Variants in LPCAT1 observed in about 807,000 individuals in gnomAD.
The protein encoded by LPCAT1 is 1-acylglycerol-3-phosphate O-acyltransferase.
LPCAT1 carries 23 observed loss-of-function variants against 60.9 expected under a neutral mutation model. That is an observed-to-expected ratio of 0.38 (90% confidence interval 0.27 to 0.53). The LOEUF (loss-of-function observed/expected upper bound fraction) is 0.53, where lower values mean the gene tolerates loss of function less well. LPCAT1 is among the 20% of genes least tolerant of loss of function. The probability of loss-of-function intolerance (pLI) is 0.82; values close to 1 mark genes in which losing one functional copy is unlikely to be tolerated. For synonymous variants in LPCAT1, 340 were observed against 301.1 expected (o/e 1.13, Z -1.34); for missense variants, 622 against 723.6 (o/e 0.86, Z 1.61).
intron 3 of LPCAT1, among the ~76,000 whole-genome samples, chr5:1,493,149 C>T (rs939431596): frequency 1.3e-5 from 2 of 152,270 alleles, no homozygotes; most frequent in Non-Finnish European, 2.9e-5. Flanking sequence ...GTCCAGCCTC[C>T]TCCAGGCTTC....
rs1223757629 is a variant in LPCAT1, at chr5:1,483,337, G to A, written c.726+91C>T. 2 of 1,315,754 alleles carry A rather than the reference G, an allele frequency of 1.5e-6. No homozygotes were observed. Among genetic ancestry groups the A allele is most frequent in the Middle Eastern group, 1.8e-4 (1 of 5,486 alleles). 81.5% of individuals were successfully genotyped at this position (1,315,754 alleles called of 1,614,324 possible). A position where few individuals can be genotyped will look rare whatever the true frequency, so the allele number is the denominator to read the frequency against. On this transcript the variant is annotated intron_variant, in intron 6 of 13. Coordinates refer to ENST00000283415, the MANE Select transcript of LPCAT1 (RefSeq NM_024830.5). This position sits in a 1 kb window ranked among gnomAD's most constrained non-coding sequence, Gnocchi z 9.2. ...CTGTGGCGCAGATAAAGGGTGTGGAGAGACAGAGACACAGGTGCACAGAGG... is the reference window on the plus strand; with the variant it reads ...CTGTGGCGCAGATAAAGGGTGTGGAAAGACAGAGACACAGGTGCACAGAGG...
rs996319563 is a variant in LPCAT1, at chr5:1,521,113, G to A, written c.135+2597C>T. 3.9e-5 allele frequency among the ~76,000 whole-genome samples: 6 copies of A among 152,142 alleles called. No individual in the cohort carries two copies. The highest frequency in any genetic ancestry group is 7.2e-5 in the African/African-American group (3 of 41,406). ...CTACTAAATCTATATCCTTGCTTTA[G>A]CCAGAGGATTAAAACATTGCACGTA... On this transcript the variant is annotated intron_variant, in intron 1 of 13. Transcript: ENST00000283415. The surrounding 1 kb of genome is among the most constrained non-coding windows in gnomAD (Gnocchi z 4.3).
In LPCAT1 at chr5:1,463,956, T is replaced by C; in HGVS notation, c.1421-121A>G. ...TCACGCCCTCCAGGGAGGGTTAGAATCGTCTGTGAAACGGATGCTTTCAGG... is the reference window on the plus strand; with the variant it reads ...TCACGCCCTCCAGGGAGGGTTAGAACCGTCTGTGAAACGGATGCTTTCAGG... On this transcript the variant is annotated intron_variant, in intron 13 of 13. Coordinates refer to ENST00000283415, the MANE Select transcript of LPCAT1 (RefSeq NM_024830.5). 5.0e-6 allele frequency: 5 copies of C among 998,002 alleles called. 1 individual carries two copies. Among genetic ancestry groups the C allele is most frequent in the Non-Finnish European group, 7.5e-6 (5 of 664,486 alleles). 61.8% of individuals were successfully genotyped at this position (998,002 alleles called of 1,614,324 possible).
intron 8 of LPCAT1, among the ~76,000 whole-genome samples, chr5:1,479,084 A>G (rs1735029649): frequency 1.3e-5 from 2 of 152,244 alleles, no homozygotes; most frequent in African/African-American, 4.8e-5. Context: ...TACCCATAAT[A>G]ATGAATGGTA....
At chr5:1,471,514 G>A (rs1276287296) in intron 11 of LPCAT1, among the ~76,000 whole-genome samples, 3 of 152,348 alleles carry the variant, frequency 2.0e-5, no homozygotes, top group South Asian at 2.1e-4. Flanking sequence ...CAGTCTGCAC[G>A]TGGCTGCAGG....
At position 1,476,763 on chromosome 5, in the gene LPCAT1, G is replaced by C. The variant is rs187949756; in HGVS notation, c.899+641C>G. Among the ~76,000 whole-genome samples, 58 of 152,088 alleles carry C rather than the reference G, an allele frequency of 3.8e-4. No homozygotes were observed. The East Asian group carries it at 9.5e-3, about 25-fold the overall frequency. On this transcript the variant is annotated intron_variant, in intron 9 of 13. Transcript: ENST00000283415. The surrounding 1 kb of genome is among the most constrained non-coding windows in gnomAD (Gnocchi z 8.6). ...CCTGGTTGCAAGGACAAGTGTGGGG[G>C]GAATGGGACCTGAGGGATGGAAGGT... is the stretch of plus-strand genomic sequence containing the variant.
chr5:1,494,549 T>C (rs1237964939), intron 3 of LPCAT1, 151 bp downstream of exon 3: 1 of 694,470 alleles, frequency 1.4e-6, no homozygotes, highest in African/African-American at 1.8e-5. Flanking sequence ...GAGTCCCTCA[T>C]TGCCAGCAAC....
chr5:1,489,759 C>T lies in LPCAT1; in HGVS notation c.593G>A (p.Gly198Glu). The T allele has an allele frequency of 6.2e-7, 1 of 1,613,002 alleles. No homozygotes were observed. Among genetic ancestry groups the T allele is most frequent in the East Asian group, 2.2e-5 (1 of 44,886 alleles). ...EEIKRRAQSN[G>E]KWPQIMIFPE... ...TACGTGCATTACCTGTGGCCACTTT[C>T]CGTTGGACTGCGCCCGTCTCTTGAT... The change falls in exon 4 of 14, where the codon GGA becomes GAA. Residue 198 changes from glycine to glutamate, a missense_variant. Physicochemically the swap from Gly to Glu is moderately conservative, Grantham distance 98 (BLOSUM62 -2). Coordinates refer to ENST00000283415, the MANE Select transcript of LPCAT1 (RefSeq NM_024830.5).
intron 1 of LPCAT1, among the ~76,000 whole-genome samples, chr5:1,512,321 C>T (rs1230911185): frequency 6.6e-6 from 1 of 152,216 alleles, no homozygotes; most frequent in African/African-American, 2.4e-5. Context: ...GAGTCACTGT[C>T]AGCTCTGCAT....
At chr5:1,472,174 C>T (rs989877839) in intron 11 of LPCAT1, among the ~76,000 whole-genome samples, 1 of 148,222 alleles carries the variant, frequency 6.7e-6, no homozygotes, top group African/African-American at 2.5e-5. Flanking sequence ...AGAGGGAGAA[C>T]TCTGGTCAGA....
chr5:1,464,051 G>A (rs1734221745), intron 13 of LPCAT1, among the ~76,000 whole-genome samples: 1 of 152,158 alleles, frequency 6.6e-6, no homozygotes, highest in African/African-American at 2.4e-5. Flanking sequence ...GGGCAGGCTG[G>A]GTGTCCTCCT....
At chr5:1,517,869 C>G (rs893953233) in intron 1 of LPCAT1, among the ~76,000 whole-genome samples, 1 of 152,226 alleles carries the variant, frequency 6.6e-6, no homozygotes, top group African/African-American at 2.4e-5. Context: ...AGTGCCTCCC[C>G]ACACGGGGGA....
At chr5:1,512,561 C>T (rs533093967) in intron 1 of LPCAT1, among the ~76,000 whole-genome samples, 16 of 152,364 alleles carry the variant, frequency 1.1e-4, no homozygotes, top group South Asian at 8.3e-4. Context: ...TTGTGTACTA[C>T]AAATGCAGAT....
chr5:1,474,469 G>T, intron 10 of LPCAT1, 91 bp downstream of exon 10: 1 of 1,467,738 alleles, frequency 6.8e-7, no homozygotes, highest in Non-Finnish European at 9.3e-7. Flanking sequence ...TATCTCCTCA[G>T]TTCCCCTCCC....
At chr5:1,512,190 C>T (rs1314507849) in intron 1 of LPCAT1, among the ~76,000 whole-genome samples, 2 of 152,208 alleles carry the variant, frequency 1.3e-5, no homozygotes, top group African/African-American at 4.8e-5. Flanking sequence ...TCCTGTGTGG[C>T]GTGCGGCCCC....
chr5:1,465,608 C>T (rs1289817952), intron 13 of LPCAT1, among the ~76,000 whole-genome samples: 2 of 149,808 alleles, frequency 1.3e-5, no homozygotes, highest in African/African-American at 2.5e-5. Flanking sequence ...GTACTAAACA[C>T]GTGCGCACAC....
chr5:1,488,338 T>C lies in LPCAT1; in HGVS notation c.667+53A>G, dbSNP rs545328698. The stretch of plus-strand genomic sequence containing the variant: ...AGCACATTATTAAAAAACATCTCTT[T>C]AATATTTTCCTTTTCTCTAGGAGAA... On this transcript the variant is annotated intron_variant, in intron 5 of 13. Coordinates refer to ENST00000283415, the MANE Select transcript of LPCAT1 (RefSeq NM_024830.5). 63 of 1,162,086 alleles carry C rather than the reference T, an allele frequency of 5.4e-5. 1 individual carries two copies. The highest frequency in any genetic ancestry group is 2.3e-4 in the South Asian group (17 of 74,884). 72.0% of individuals were successfully genotyped at this position (1,162,086 alleles called of 1,614,324 possible). A position where few individuals can be genotyped will look rare whatever the true frequency, so the allele number is the denominator to read the frequency against.
intron 1 of LPCAT1, among the ~76,000 whole-genome samples, chr5:1,516,140 C>G (rs1479386807): frequency 1.3e-5 from 2 of 152,212 alleles, no homozygotes; most frequent in African/African-American, 4.8e-5. Flanking sequence ...GCAGAAATGA[C>G]CTGATCGCTC....
At chr5:1,512,117 T>C (rs886346386) in intron 1 of LPCAT1, among the ~76,000 whole-genome samples, 1 of 152,182 alleles carries the variant, frequency 6.6e-6, no homozygotes, top group Non-Finnish European at 1.5e-5. Context: ...GCCCTGCTCA[T>C]TCGCCAGTAA....
Sources: gnomAD v4.1 joint callset for allele counts (sites outside exome capture counted in the v4.1 genomes callset) on GRCh38, gnomAD v4.1.1 for gene constraint, Gnocchi (gnomAD v3.1) non-coding constraint, MANE v1.5 for transcripts, NCBI Gene and HGNC (gene_info 2026-07-23, HGNC 2026-07-21) for gene names.